PLG: variants seen among roughly 807,000 people sequenced by gnomAD.
PLG encodes plasmin.
Under a neutral mutation model 104.4 loss-of-function variants are expected in PLG, and 41 were observed. That is an observed-to-expected ratio of 0.39 (90% CI 0.31 to 0.51). PLG has a LOEUF of 0.51. PLG is among the 20% of genes least tolerant of loss of function. The pLI, the probability that PLG is intolerant of heterozygous loss-of-function variation, is 0.76. For missense variants in PLG, 891 were observed against 1,003.6 expected (o/e 0.89, Z 1.52); for synonymous variants, 337 against 357.1 (o/e 0.94, Z 0.63).
chr6:160,719,325 T>C lies in PLG; in HGVS notation c.1096+487T>C, dbSNP rs1429303485. On this transcript the variant is annotated intron_variant, in intron 9 of 18. Coordinates refer to ENST00000308192, the MANE Select transcript of PLG (RefSeq NM_000301.5). The surrounding 1 kb of genome is among the most constrained non-coding windows in gnomAD (Gnocchi z 4.1). ...AGATGAAAGGACCCCTTTATCTTTA[T>C]GTAATGTTTCTTCTTATCTCTGGGA... Among the ~76,000 whole-genome samples the C allele has an allele frequency of 6.6e-6, 1 of 152,244 alleles. No individual in the cohort carries two copies. The highest frequency in any genetic ancestry group is 1.5e-5 in the Non-Finnish European group (1 of 68,048).
At chr6:160,707,429 G>A (rs1043342250) in intron 2 of PLG, among the ~76,000 whole-genome samples, 2 of 152,116 alleles carry the variant, frequency 1.3e-5, no homozygotes, top group Non-Finnish European at 2.9e-5. Flanking sequence ...TTAAGAAGAT[G>A]AGTGAAGAAG....
chr6:160,712,906 G>A lies in PLG; in HGVS notation c.408-80G>A, dbSNP rs4252095. Reference sequence around the variant, plus strand: ...TGGATGACAATCTCAGATGGGAATCGAGAGCATCTCCTTCTGCCTTGCTAA... The same window carrying A: ...TGGATGACAATCTCAGATGGGAATCAAGAGCATCTCCTTCTGCCTTGCTAA... On this transcript the variant is annotated intron_variant, in intron 4 of 18. Coordinates refer to ENST00000308192, the MANE Select transcript of PLG (RefSeq NM_000301.5). 4.8e-3 allele frequency: 5,013 copies of A among 1,034,892 alleles called. 183 individuals carry two copies. In the African/African-American group the frequency reaches 0.068, roughly 14 times the overall value. 64.1% of individuals were successfully genotyped at this position (1,034,892 alleles called of 1,614,324 possible).
chr6:160,747,452 G>T (rs2115185748), intron 17 of PLG, among the ~76,000 whole-genome samples: 1 of 152,278 alleles, frequency 6.6e-6, no homozygotes, highest in African/African-American at 2.4e-5. Context: ...AGGGCATTAG[G>T]AGTCTGAAGC....
rs532027310 is a variant in PLG, at chr6:160,716,721, G to T, written c.745G>T (p.Asp249Tyr). 3.1e-5 allele frequency: 50 copies of T among 1,612,934 alleles called. No homozygotes were observed. Among genetic ancestry groups the T allele is most frequent in the Non-Finnish European group, 4.0e-5 (47 of 1,179,014 alleles). ...RELRPWCFTT[D>Y]PNKRWELCDI... ...GCTGCGGCCTTGGTGTTTCACCACC[G>T]ACCCCAACAAGCGCTGGGAACTTTG... Residue 249 changes from aspartate to tyrosine, a missense_variant, in exon 7 of 19, where the codon GAC becomes TAC. Asp to Tyr is a radical substitution (Grantham distance 160). Coordinates refer to ENST00000308192, the MANE Select transcript of PLG (RefSeq NM_000301.5).
chr6:160,731,206 C>A lies in PLG; in HGVS notation c.1412C>A (p.Pro471Gln). The A allele has an allele frequency of 6.2e-7, 1 of 1,614,048 alleles. No homozygotes were observed. Among genetic ancestry groups the A allele is most frequent in the Non-Finnish European group, 8.5e-7 (1 of 1,179,924 alleles). The change falls in exon 11 of 19, where the codon CCA (proline) becomes CAA (glutamine). Residue 471 changes from proline to glutamine, a missense_variant. Physicochemically the swap from Pro to Gln is moderately conservative, Grantham distance 76 (BLOSUM62 -1). Coordinates refer to ENST00000308192, the MANE Select transcript of PLG (RefSeq NM_000301.5). The surrounding 1 kb of genome is among the most constrained non-coding windows in gnomAD (Gnocchi z 5.1). Reference protein sequence around the residue: ...VVAPPPVVLLPDVETPSEEDC... With the variant: ...VVAPPPVVLLQDVETPSEEDC... ...GCACCTCCGCCTGTTGTCCTGCTTC[C>A]AGATGTAGAGACTCCTTCCGAAGAA...
At chr6:160,713,229 G>A (rs549660241) in intron 5 of PLG, 104 bp downstream of exon 5, 67 of 941,194 alleles carry the variant, frequency 7.1e-5, no homozygotes, top group Admixed American at 1.7e-4. Flanking sequence ...ATTGAGTAAC[G>A]TATTCACCTC....
At chr6:160,720,484 A>G (rs1458995684) in intron 9 of PLG, among the ~76,000 whole-genome samples, 3 of 127,126 alleles carry the variant, frequency 2.4e-5, no homozygotes, top group Admixed American at 2.0e-4. Context: ...CAGTGGCGCA[A>G]TCTCGGCTCA....
In PLG at chr6:160,717,700, C is replaced by T. The variant is rs186870759; in HGVS notation, c.788-594C>T. On this transcript the variant is annotated intron_variant, in intron 7 of 18. Transcript: ENST00000308192. ...TGAGAATTCGGGGTGTGAGGTGACA[C>T]GTGTTGATACTTACCAGGTAGGAAG... 2.6e-5 allele frequency among the ~76,000 whole-genome samples: 4 copies of T among 152,218 alleles called. No homozygotes were observed. In the East Asian group the frequency reaches 7.7e-4, roughly 29 times the overall value.
chr6:160,717,027 T>C (rs1777743091), intron 7 of PLG, among the ~76,000 whole-genome samples: 1 of 152,200 alleles, frequency 6.6e-6, no homozygotes, highest in African/African-American at 2.4e-5. Context: ...AAATGTAGGC[T>C]TTAGGTGTTG....
intron 2 of PLG, among the ~76,000 whole-genome samples, chr6:160,707,420 TAAG>T (rs769178029): frequency 5.5e-4 from 83 of 151,886 alleles, no homozygotes; most frequent in Non-Finnish European, 1.2e-3. Flanking sequence ...AAACAAAAAT[TAAG>T]AAGATGAGTG....
intron 2 of PLG, 156 bp downstream of exon 2, chr6:160,706,698 C>G: frequency 1.4e-6 from 1 of 736,402 alleles, no homozygotes; most frequent in Non-Finnish European, 2.3e-6. Flanking sequence ...ATACTAACAG[C>G]TTCTTGTTAA....
chr6:160,702,675 G>C (rs1050684639), intron 1 of PLG, among the ~76,000 whole-genome samples: 1 of 152,154 alleles, frequency 6.6e-6, no homozygotes, highest in Non-Finnish European at 1.5e-5. Flanking sequence ...CTCTTTGCCT[G>C]GTTCTCAGTT....
chr6:160,718,116 G>A (rs1777771808), intron 7 of PLG, among the ~76,000 whole-genome samples, 178 bp from the exon 8 acceptor site: 1 of 152,166 alleles, frequency 6.6e-6, no homozygotes, highest in Non-Finnish European at 1.5e-5. Context: ...GCCAGTTGTG[G>A]TGACACGCAC....
At chr6:160,709,072 T>C (rs565486747) in intron 3 of PLG, among the ~76,000 whole-genome samples, 2 of 152,234 alleles carry the variant, frequency 1.3e-5, no homozygotes, top group South Asian at 4.1e-4. Flanking sequence ...GGAATGACTG[T>C]AGGTTGAGTT....
Position 160,731,153 on chromosome 6 carries a change from A to G in PLG, c.1359A>G (p.Lys453=). ...GGTGGGAGTACTGCAACCTGAAAAA[A>G]TGCTCAGGAACAGAAGCGAGTGTTG... The part of the protein sequence containing the change: ...SVRWEYCNLK[K]CSGTEASVVA... The change falls in exon 11 of 19, where the codon AAA becomes AAG. Residue 453 remains lysine (K), a synonymous_variant. Coordinates refer to ENST00000308192, the MANE Select transcript of PLG (RefSeq NM_000301.5). The surrounding 1 kb of genome is among the most constrained non-coding windows in gnomAD (Gnocchi z 5.1). 4.3e-6 allele frequency: 7 copies of G among 1,614,136 alleles called. No individual in the cohort carries two copies. The highest frequency in any genetic ancestry group is 5.1e-6 in the Non-Finnish European group (6 of 1,179,990).
chr6:160,702,368 T>A lies in PLG; in HGVS notation c.49+15T>A. The A allele has an allele frequency of 4.5e-6, 7 of 1,566,452 alleles. No individual in the cohort carries two copies. Among genetic ancestry groups the A allele is most frequent in the Non-Finnish European group, 6.1e-6 (7 of 1,144,688 alleles). On this transcript the variant is annotated intron_variant, in intron 1 of 18. Transcript: ENST00000308192. ...TCTGAAATCAGGTAAGACATAGTTT[T>A]TTTAAATTATAAGAATTATTTTTTC...
intron 8 of PLG, 44 bp from the exon 9 acceptor site, chr6:160,718,649 T>G: frequency 6.2e-7 from 1 of 1,607,972 alleles, no homozygotes; most frequent in Non-Finnish European, 8.5e-7. Flanking sequence ...TCCCTAGACT[T>G]TTTTCTTTTT....
In PLG at chr6:160,706,446, G is replaced by A. The variant is rs1179334255; in HGVS notation, c.89G>A (p.Gly30Glu). Residue 30 changes from glycine to glutamate, a missense_variant, in exon 2 of 19, where the codon GGG (glycine) becomes GAG (glutamate). This residue lies in a region of PLG where 854 missense variants were observed against 932.1 expected (regional missense o/e 0.92). Coordinates refer to ENST00000308192, the MANE Select transcript of PLG (RefSeq NM_000301.5). ...EPLDDYVNTQ[G>E]ASLFSVTKKQ... ...CTGGATGACTATGTGAATACCCAGG[G>A]GGCTTCACTGTTCAGTGTCACTAAG... The A allele has an allele frequency of 2.5e-6, 4 of 1,613,658 alleles. No individual in the cohort carries two copies. The highest frequency in any genetic ancestry group is 3.4e-6 in the Non-Finnish European group (4 of 1,179,704).
chr6:160,730,084 T>A (rs954930424), intron 10 of PLG, among the ~76,000 whole-genome samples: 1 of 152,200 alleles, frequency 6.6e-6, no homozygotes, highest in African/African-American at 2.4e-5. Context: ...CCACAGGTCA[T>A]GAATGTGAGG....
Sources: gnomAD v4.1 joint callset for allele counts (sites outside exome capture counted in the v4.1 genomes callset) on GRCh38, gnomAD v4.1.1 for gene constraint, gnomAD v4.1.1 regional missense constraint, Gnocchi (gnomAD v3.1) non-coding constraint, MANE v1.5 for transcripts, NCBI Gene and HGNC (gene_info 2026-07-23, HGNC 2026-07-21) for gene names.